The following ESRP2 variants were observed in gnomAD, a reference collection of about 807,000 sequenced individuals.
ESRP2 encodes RNA binding motif protein 35A.
In ESRP2, 48 loss-of-function variants were observed where a neutral mutation model predicts 78.6. That is an observed-to-expected ratio of 0.61 (90% CI 0.48 to 0.78). The LOEUF (loss-of-function observed/expected upper bound fraction) is 0.78, where lower values mean the gene tolerates loss of function less well. Ranked by LOEUF, ESRP2 falls within the 30% of genes least tolerant of loss-of-function variation. The pLI is 0.00. For synonymous variants in ESRP2, 383 were observed against 406.7 expected (o/e 0.94, Z 0.70); for missense variants, 863 against 965.9 (o/e 0.89, Z 1.41).
In ESRP2 at chr16:68,231,817, T is replaced by C. The variant is rs2042144622; in HGVS notation, c.1284A>G (p.Ala428=). 2 of 1,609,086 alleles carry C rather than the reference T, an allele frequency of 1.2e-6. No individual in the cohort carries two copies. Among genetic ancestry groups the C allele is most frequent in the Non-Finnish European group, 1.7e-6 (2 of 1,175,876 alleles). Residue 428 remains alanine, a synonymous_variant, in exon 10 of 15, where the codon GCA becomes GCG. Coordinates refer to ENST00000473183, the MANE Select transcript of ESRP2 (RefSeq NM_024939.3). This position sits in a 1 kb window ranked among gnomAD's most constrained non-coding sequence, Gnocchi z 6.0. ...GGGCGCTCACCTGCTGCACTTCGGC[T>C]GCAGTGCTCCGGAAGAGTTCAATGT... ...KRYIELFRST[A]AEVQQVLNRY... is the part of the protein sequence containing the mutation.
In ESRP2 at chr16:68,235,309, G is replaced by T; in HGVS notation, c.327+325C>A. ...TTCGCTTCCGGCTGCGGCTCAGGGA[G>T]ACCTGACCCAGCAGGTCTCCCAAAG... On this transcript the variant is annotated intron_variant, in intron 2 of 14. Coordinates refer to ENST00000473183, the MANE Select transcript of ESRP2 (RefSeq NM_024939.3). The surrounding 1 kb of genome is among the most constrained non-coding windows in gnomAD (Gnocchi z 5.5). The T allele has an allele frequency of 1.0e-6, 1 of 985,176 alleles. No individual in the cohort carries two copies. Among genetic ancestry groups the T allele is most frequent in the Non-Finnish European group, 1.2e-6 (1 of 829,846 alleles). 61.0% of individuals were successfully genotyped at this position (985,176 alleles called of 1,614,324 possible). A position where few individuals can be genotyped will look rare whatever the true frequency, so the allele number is the denominator to read the frequency against.
Position 68,233,899 on chromosome 16 carries a change from T to C in ESRP2, c.442-17A>G, listed in dbSNP as rs1470348914. 1.9e-6 allele frequency: 3 copies of C among 1,607,968 alleles called. No homozygotes were observed. Among genetic ancestry groups the C allele is most frequent in the African/African-American group, 2.7e-5 (2 of 74,750 alleles). The stretch of plus-strand genomic sequence containing the variant: ...CACCAGGTTCTGGGGGCACATAGGA[T>C]TGAGGATGAGCGCCCTGCCCACCCT... On this transcript the variant is annotated splice_polypyrimidine_tract_variant and intron_variant, in intron 3 of 14. Coordinates refer to ENST00000473183, the MANE Select transcript of ESRP2 (RefSeq NM_024939.3).
In ESRP2 at chr16:68,234,107, AC is replaced by A; in HGVS notation, c.328-1del. ...ACATCCCCGTTCACCAGCTGTGAGA[AC>A]TGGGGATAGGGAATGGGGAGAGAGA... is the stretch of plus-strand genomic sequence containing the variant. On this transcript the variant is annotated splice_acceptor_variant, in intron 2 of 14. Transcript: ENST00000473183. LOFTEE classifies it high-confidence loss of function. 6.2e-7 allele frequency: 1 copy of A among 1,607,126 alleles called. No homozygotes were observed. Among genetic ancestry groups the A allele is most frequent in the Non-Finnish European group, 8.5e-7 (1 of 1,176,390 alleles).
At chr16:68,234,800 G>A (rs1261127893) in intron 2 of ESRP2, 1 of 152,306 alleles carries the variant, frequency 6.6e-6, no homozygotes, top group African/African-American at 2.4e-5. Flanking sequence ...GGGGCTGACA[G>A]AGCAAGGCAA....
rs1344752713 is a variant in ESRP2 at position 68,234,203 on chromosome 16, T to C, written c.328-96A>G. 2.4e-5 allele frequency: 22 copies of C among 932,046 alleles called. No individual in the cohort carries two copies. The East Asian group carries it at 5.0e-4, about 21-fold the overall frequency. 57.7% of individuals were successfully genotyped at this position (932,046 alleles called of 1,614,324 possible). On this transcript the variant is annotated intron_variant, in intron 2 of 14. Transcript: ENST00000473183. Reference sequence around the variant, plus strand: ...GGAAGGAGGCAGGCTGCAAAGCTGGTTCAGCCAGATGTTCAGCCCTATCCT... The same window carrying C: ...GGAAGGAGGCAGGCTGCAAAGCTGGCTCAGCCAGATGTTCAGCCCTATCCT...
rs760881125 is a variant in ESRP2, at chr16:68,231,630, G to T, written c.1364C>A (p.Pro455His). 1 of 1,613,952 alleles carries T rather than the reference G, an allele frequency of 6.2e-7. No homozygotes were observed. Among genetic ancestry groups the T allele is most frequent in the Non-Finnish European group, 8.5e-7 (1 of 1,179,934 alleles). The change falls in exon 11 of 15, where the codon CCC becomes CAC. Residue 455 changes from proline to histidine, a missense_variant. Transcript: ENST00000473183. The surrounding 1 kb of genome is among the most constrained non-coding windows in gnomAD (Gnocchi z 6.0). Reference protein sequence around the residue: ...PTLTAPLLPIPFPLAPGTGRD... With the variant: ...PTLTAPLLPIHFPLAPGTGRD... The stretch of plus-strand genomic sequence containing the variant: ...CCCAGTCCCAGGTGCCAGTGGGAAG[G>T]GGATGGGCAGCAGTGGGGCAGTCAG...
At position 68,232,421 on chromosome 16, in the gene ESRP2, C is replaced by G; in HGVS notation, c.904G>C (p.Asp302His). The part of the protein sequence containing the change: ...LIRFVDSEQR[D>H]LALQRHKHHM... ...TGCTTGTGTCTCTGCAGCGCTAGGT[C>G]CCGCTGCTCGCTGTCCACAAAGCGG... The change falls in exon 8 of 15, where the codon GAC becomes CAC. Residue 302 changes from aspartate to histidine, a missense_variant. Asp to His is a moderately conservative substitution (Grantham distance 81). Transcript: ENST00000473183. The surrounding 1 kb of genome is among the most constrained non-coding windows in gnomAD (Gnocchi z 5.2). 6.2e-7 allele frequency: 1 copy of G among 1,614,100 alleles called. No homozygotes were observed. The highest frequency in any genetic ancestry group is 8.5e-7 in the Non-Finnish European group (1 of 1,180,026).
In ESRP2 at chr16:68,234,039, C is replaced by G. The variant is rs1228506973; in HGVS notation, c.396G>C (p.Gly132=). ...GCAGGACCTGTCGCAATAGCTGCTG[C>G]CCATCAGTGCAGAGCATGTAGGGGC... The part of the protein sequence containing the change: ...GGGPYMLCTD[G]QQLLRQVLHP... Residue 132 remains glycine, a synonymous_variant, in exon 3 of 15, where the codon GGG becomes GGC. Coordinates refer to ENST00000473183, the MANE Select transcript of ESRP2 (RefSeq NM_024939.3). 2 of 1,613,942 alleles carry G rather than the reference C, an allele frequency of 1.2e-6. No individual in the cohort carries two copies. The highest frequency in any genetic ancestry group is 1.7e-6 in the Non-Finnish European group (2 of 1,179,982).
rs2042210623 is a variant in ESRP2, at chr16:68,235,409, G to A, written c.327+225C>T. 6 of 985,368 alleles carry A rather than the reference G, an allele frequency of 6.1e-6. No homozygotes were observed. The African/African-American group carries it at 7.0e-5, about 11-fold the overall frequency. 61.0% of individuals were successfully genotyped at this position (985,368 alleles called of 1,614,324 possible). A position where few individuals can be genotyped will look rare whatever the true frequency, so the allele number is the denominator to read the frequency against. On this transcript the variant is annotated intron_variant, in intron 2 of 14. Coordinates refer to ENST00000473183, the MANE Select transcript of ESRP2 (RefSeq NM_024939.3). This position sits in a 1 kb window ranked among gnomAD's most constrained non-coding sequence, Gnocchi z 5.5. Reference sequence around the variant, plus strand: ...CTGCGTCCCGATCCCTTCGGTAGGAGTAGGTTCCTGCAATGGTTGAAAAGT... The same window carrying A: ...CTGCGTCCCGATCCCTTCGGTAGGAATAGGTTCCTGCAATGGTTGAAAAGT...
Position 68,233,846 on chromosome 16 carries a change from C to T in ESRP2, c.478G>A (p.Asp160Asn). The T allele has an allele frequency of 1.2e-6, 2 of 1,614,104 alleles. No individual in the cohort carries two copies. Among genetic ancestry groups the T allele is most frequent in the Non-Finnish European group, 1.7e-6 (2 of 1,180,028 alleles). ...VLPDMFFSFY[D>N]LRREFHMQHP... ...TGCATATGGAATTCTCTTCGGAGGT[C>T]ATAGAAGGAGAAGAACATGTCGGGG... The change falls in exon 4 of 15, where the codon GAC becomes AAC. Residue 160 changes from aspartate (D) to asparagine (N), a missense_variant. Physicochemically the swap from Asp to Asn is conservative, Grantham distance 23. Coordinates refer to ENST00000473183, the MANE Select transcript of ESRP2 (RefSeq NM_024939.3).
intron 13 of ESRP2, 94 bp downstream of exon 13, chr16:68,230,747 A>G: frequency 7.8e-6 from 12 of 1,539,498 alleles, no homozygotes; most frequent in South Asian, 1.2e-5. Flanking sequence ...TGTCATCTCA[A>G]GGGAGGAGTT....
chr16:68,231,262 A>C lies in ESRP2; in HGVS notation c.1627T>G (p.Cys543Gly), dbSNP rs781448145. The C allele has an allele frequency of 3.7e-6, 6 of 1,614,012 alleles. No individual in the cohort carries two copies. The highest frequency in any genetic ancestry group is 5.1e-6 in the Non-Finnish European group (6 of 1,179,940). The change falls in exon 12 of 15, where the codon TGT (cysteine) becomes GGT (glycine). Residue 543 changes from cysteine to glycine, a missense_variant. By Grantham distance (159) the Cys-to-Gly change is radical. Transcript: ENST00000473183. The surrounding 1 kb of genome is among the most constrained non-coding windows in gnomAD (Gnocchi z 6.0). ...MKERYVEVVP[C>G]STEEMSRVLM... ...ACTCGGCTCATCTCCTCTGTGGAAC[A>C]GGGGACCACCTCCACGTAGCGCTCC...
chr16:68,233,333 G>T lies in ESRP2; in HGVS notation c.649C>A (p.Pro217Thr). 2 of 1,612,688 alleles carry T rather than the reference G, an allele frequency of 1.2e-6. No individual in the cohort carries two copies. The highest frequency in any genetic ancestry group is 2.7e-5 in the African/African-American group (2 of 75,014). The change falls in exon 5 of 15, where the codon CCC becomes ACC. Residue 217 changes from proline (P) to threonine (T), a missense_variant. Transcript: ENST00000473183. ...GCAGTGAGGGAAACCTTACTGCTGGGCTCTTTGAGTAGATGGAGGATAACA... is the reference window on the plus strand; with the variant it reads ...GCAGTGAGGGAAACCTTACTGCTGGTCTCTTTGAGTAGATGGAGGATAACA... Reference protein sequence around the residue: ...VAVILHLLKEPSSQLFSKPEV... With the variant: ...VAVILHLLKETSSQLFSKPEV...
rs369045126 is a variant in ESRP2 at position 68,231,590 on chromosome 16, G to T, written c.1404C>A (p.Arg468=). ...TGGCCGTGTAGGGCAGGCCTCGGAG[G>T]CGTACACAGTCCCTCCCAGTCCCAG... ...LAPGTGRDCV[R]LRGLPYTATI... The change falls in exon 11 of 15, where the codon CGC becomes CGA. Residue 468 remains arginine (R), a synonymous_variant. Transcript: ENST00000473183. The surrounding 1 kb of genome is among the most constrained non-coding windows in gnomAD (Gnocchi z 6.0). 1.4e-5 allele frequency: 22 copies of T among 1,613,934 alleles called. No homozygotes were observed. The highest frequency in any genetic ancestry group is 1.9e-5 in the Non-Finnish European group (22 of 1,180,006).
At position 68,232,821 on chromosome 16, in the gene ESRP2, A is replaced by G; in HGVS notation, c.656-6T>C. 6.2e-7 allele frequency: 1 copy of G among 1,613,088 alleles called. No individual in the cohort carries two copies. Among genetic ancestry groups the G allele is most frequent in the Non-Finnish European group, 8.5e-7 (1 of 1,180,040 alleles). Reference sequence around the variant, plus strand: ...GGGCTTCGAAAACAATTGACCTGAGAAAAGATGGCCTGGGGGTCAGCAGGG... The same window carrying G: ...GGGCTTCGAAAACAATTGACCTGAGGAAAGATGGCCTGGGGGTCAGCAGGG... On this transcript the variant is annotated splice_region_variant and splice_polypyrimidine_tract_variant and intron_variant, in intron 5 of 14. Coordinates refer to ENST00000473183, the MANE Select transcript of ESRP2 (RefSeq NM_024939.3). This position sits in a 1 kb window ranked among gnomAD's most constrained non-coding sequence, Gnocchi z 5.2.
Position 68,233,357 on chromosome 16 carries a change from C to T in ESRP2, c.625G>A (p.Val209Ile). Reference protein sequence around the residue: ...GVWEVKTMVAVILHLLKEPSS... With the variant: ...GVWEVKTMVAIILHLLKEPSS... ...GGCTCTTTGAGTAGATGGAGGATAA[C>T]AGCTACCATTGTCTTGACTTCCCAG... The change falls in exon 5 of 15, where the codon GTT (valine) becomes ATT (isoleucine). Residue 209 changes from valine to isoleucine, a missense_variant. Coordinates refer to ENST00000473183, the MANE Select transcript of ESRP2 (RefSeq NM_024939.3). 6.2e-7 allele frequency: 1 copy of T among 1,614,130 alleles called. No individual in the cohort carries two copies. The highest frequency in any genetic ancestry group is 1.6e-4 in the Middle Eastern group (1 of 6,062).
At chr16:68,233,679 G>T in intron 4 of ESRP2, 89 bp downstream of exon 4, 1 of 957,110 alleles carries the variant, frequency 1.0e-6, no homozygotes, top group Non-Finnish European at 1.7e-6. Context: ...TCTTGTATGT[G>T]TCCATATTAC....
rs1386900669 is a variant in ESRP2, at chr16:68,235,863, C to T, written c.183G>A (p.Glu61=). ...TCCACCCTACCTGGCGGCTCCGCGG[C>T]TCAACCACTTGCCAAACTAGGAGGA... ...DLILLVWQVV[E]PRSRQVGTLH... Residue 61 remains glutamate, a synonymous_variant, in exon 1 of 15, where the codon GAG becomes GAA. Transcript: ENST00000473183. This position sits in a 1 kb window ranked among gnomAD's most constrained non-coding sequence, Gnocchi z 5.5. 2 of 1,612,038 alleles carry T rather than the reference C, an allele frequency of 1.2e-6. No individual in the cohort carries two copies. Among genetic ancestry groups the T allele is most frequent in the African/African-American group, 1.3e-5 (1 of 74,974 alleles).
rs1273584195 is a variant in ESRP2 at position 68,230,855 on chromosome 16, T to C, written c.1884A>G (p.Thr628=). 6.2e-7 allele frequency: 1 copy of C among 1,613,870 alleles called. No individual in the cohort carries two copies. The highest frequency in any genetic ancestry group is 8.5e-7 in the Non-Finnish European group (1 of 1,179,958). The part of the protein sequence containing the change: ...GPATQLYLNY[T]AYYPSPPVSP... ...CTGCAGGGTACCTTGGGTAGTAGGCTGTGTAGTTCAGGTAGAGTTGAGTGG... is the reference window on the plus strand; with the variant it reads ...CTGCAGGGTACCTTGGGTAGTAGGCCGTGTAGTTCAGGTAGAGTTGAGTGG... The change falls in exon 13 of 15, where the codon ACA becomes ACG. Residue 628 remains threonine, a synonymous_variant. Coordinates refer to ENST00000473183, the MANE Select transcript of ESRP2 (RefSeq NM_024939.3).
Sources: allele counts gnomAD v4.1 joint callset, GRCh38; gene constraint gnomAD v4.1.1; non-coding constraint Gnocchi (gnomAD v3.1); transcripts MANE v1.5; gene names NCBI Gene and HGNC (gene_info 2026-07-23, HGNC 2026-07-21).